Variants in GMDS observed in about 807,000 individuals in gnomAD.
GMDS encodes GDP-mannose 4,6 dehydratase.
GMDS carries 20 observed loss-of-function variants against 49.9 expected under a neutral mutation model. The observed-to-expected ratio is 0.40, with a 90% CI of 0.28 to 0.58. The LOEUF (loss-of-function observed/expected upper bound fraction) is 0.58. GMDS is among the 20% of genes least tolerant of loss of function. The probability of loss-of-function intolerance (pLI) is 0.42; values close to 1 mark genes in which losing one functional copy is unlikely to be tolerated. For missense variants in GMDS, 362 were observed against 481.4 expected (o/e 0.75, Z 2.32); for synonymous variants, 177 against 178.6 (o/e 0.99, Z 0.07).
intron 9 of GMDS, among the ~76,000 whole-genome samples, chr6:1,641,006 T>C (rs1763314215): frequency 6.6e-6 from 1 of 152,128 alleles, no homozygotes; most frequent in Admixed American, 6.5e-5. Flanking sequence ...ACAGGTGGCG[T>C]TGGCTCCACA....
intron 4 of GMDS, among the ~76,000 whole-genome samples, chr6:1,995,494 T>C (rs929865512): frequency 5.1e-5 from 7 of 136,450 alleles, no homozygotes; most frequent in African/African-American, 2.0e-4. Flanking sequence ...CTGTGTTGTC[T>C]CAGAGAGAAC....
intron 9 of GMDS, among the ~76,000 whole-genome samples, chr6:1,713,852 G>C (rs1190286186): frequency 6.6e-6 from 1 of 152,006 alleles, no homozygotes; most frequent in African/African-American, 2.4e-5. Flanking sequence ...TGGTAAGACA[G>C]GCATACTCAA....
intron 4 of GMDS, among the ~76,000 whole-genome samples, chr6:2,054,805 A>G (rs574551175): frequency 3.3e-4 from 50 of 152,196 alleles, no homozygotes; most frequent in Non-Finnish European, 6.3e-4. Context: ...CAGGAAAACA[A>G]AAACAAAACA....
intron 7 of GMDS, among the ~76,000 whole-genome samples, chr6:1,905,525 C>T (rs112673994): frequency 2.1e-5 from 3 of 140,776 alleles, no homozygotes; most frequent in African/African-American, 8.1e-5. Flanking sequence ...GCTGTGGGTG[C>T]TGGCGTGTAG....
At chr6:1,959,549 C>G (rs1197874124) in intron 6 of GMDS, among the ~76,000 whole-genome samples, 1 of 152,164 alleles carries the variant, frequency 6.6e-6, no homozygotes, top group Non-Finnish European at 1.5e-5. Flanking sequence ...TAGTTTACTA[C>G]TTATTCCTTT....
chr6:2,169,280 G>T (rs1203400589), intron 1 of GMDS, among the ~76,000 whole-genome samples: 1 of 152,140 alleles, frequency 6.6e-6, no homozygotes, highest in African/African-American at 2.4e-5. Flanking sequence ...ATTAAAACCA[G>T]TTGAAAAATC....
At chr6:1,915,580 T>A (rs766548468) in intron 7 of GMDS, among the ~76,000 whole-genome samples, 2 of 152,186 alleles carry the variant, frequency 1.3e-5, no homozygotes, top group African/African-American at 4.8e-5. Flanking sequence ...TGGTTTTAAG[T>A]TGAAATATGA....
At chr6:1,791,418 G>A (rs1038471832) in intron 7 of GMDS, among the ~76,000 whole-genome samples, 2 of 152,274 alleles carry the variant, frequency 1.3e-5, no homozygotes, top group East Asian at 1.9e-4. Context: ...GTTCTCAACC[G>A]TGGTGGGCTG....
intron 6 of GMDS, among the ~76,000 whole-genome samples, chr6:1,944,857 C>CT (rs979260465): frequency 1.3e-5 from 2 of 152,132 alleles, no homozygotes; most frequent in African/African-American, 4.8e-5. Flanking sequence ...ATCATGTCTC[C>CT]TTCCACAAGA....
Position 2,245,351 on chromosome 6 carries a change from G to A in GMDS, c.72C>T (p.Asn24=), listed in dbSNP as rs201439413. Residue 24 remains asparagine, a synonymous_variant, in exon 1 of 11, where the codon AAC becomes AAT. Transcript: ENST00000380815. ...SGDGEMGKPR[N]VALITGITGQ... ...CTGTGATACCGGTGATGAGCGCCAC[G>A]TTCCTGGGCTTGCCCATCTCGCCGT... 3.9e-6 allele frequency: 6 copies of A among 1,552,780 alleles called. No homozygotes were observed. In the East Asian group the frequency reaches 1.4e-4, roughly 37 times the overall value.
chr6:2,177,407 A>G lies in GMDS; in HGVS notation c.103-52676T>C, dbSNP rs1189884558. Among the ~76,000 whole-genome samples, 4 of 152,188 alleles carry G rather than the reference A, an allele frequency of 2.6e-5. No homozygotes were observed. In the East Asian group the frequency reaches 7.7e-4, roughly 29 times the overall value. On this transcript the variant is annotated intron_variant, in intron 1 of 10. Transcript: ENST00000380815. Reference sequence around the variant, plus strand: ...AAAAACAACGAAAAAATAAAACTTCAGGCCAATATCCCTGATAAACAGACA... The same window carrying G: ...AAAAACAACGAAAAAATAAAACTTCGGGCCAATATCCCTGATAAACAGACA...
chr6:1,846,378 C>A (rs1757413888), intron 7 of GMDS, among the ~76,000 whole-genome samples: 1 of 151,808 alleles, frequency 6.6e-6, no homozygotes, highest in Non-Finnish European at 1.5e-5. Flanking sequence ...CAGGTGTGAG[C>A]CACTGTGTCC....
intron 7 of GMDS, among the ~76,000 whole-genome samples, chr6:1,881,318 A>G (rs1008694566): frequency 6.6e-6 from 1 of 152,224 alleles, no homozygotes; most frequent in African/African-American, 2.4e-5. Context: ...AATATTTCAC[A>G]CTATATTTTA....
chr6:2,162,982 G>C (rs1389489896), intron 1 of GMDS, among the ~76,000 whole-genome samples: 1 of 152,130 alleles, frequency 6.6e-6, no homozygotes, highest in Non-Finnish European at 1.5e-5. Context: ...TAAAAAATTA[G>C]AGGAGCAACA....
At chr6:2,238,192 G>C (rs1486275) in intron 1 of GMDS, among the ~76,000 whole-genome samples, 3,587 of 149,554 alleles carry the variant, frequency 0.024, 165 homozygotes, top group African/African-American at 0.085. Context: ...TTCAAGACTA[G>C]CCTGGTCAGC....
At chr6:2,107,167 G>A (rs191833406) in intron 4 of GMDS, among the ~76,000 whole-genome samples, 1 of 152,294 alleles carries the variant, frequency 6.6e-6, no homozygotes, top group Admixed American at 6.5e-5. Context: ...ATTATTAGCT[G>A]TTATCAAAAT....
intron 4 of GMDS, among the ~76,000 whole-genome samples, chr6:1,972,402 T>C (rs1314684310): frequency 6.6e-6 from 1 of 152,092 alleles, no homozygotes; most frequent in African/African-American, 2.4e-5. Flanking sequence ...TCTGTCATGA[T>C]TTCTGTATAA....
chr6:2,093,570 C>T (rs1264741442), intron 4 of GMDS, among the ~76,000 whole-genome samples: 1 of 151,940 alleles, frequency 6.6e-6, no homozygotes, highest in Non-Finnish European at 1.5e-5. Flanking sequence ...AATTATAATG[C>T]TCAATATAAA....
Position 1,999,984 on chromosome 6 carries a change from TA to T in GMDS, c.346-39019del, listed in dbSNP as rs1209596809. ...TTATATATATATTATATATATATTTTATATATATATATTATATATATATATT... is the reference window on the plus strand; with the variant it reads ...TTATATATATATTATATATATATTTTTATATATATATTATATATATATATT... On this transcript the variant is annotated intron_variant, in intron 4 of 10. Coordinates refer to ENST00000380815, the MANE Select transcript of GMDS (RefSeq NM_001500.4). Among the ~76,000 whole-genome samples, 29 of 11,094 alleles carry T rather than the reference TA, an allele frequency of 2.6e-3. 2 individuals are homozygous for T. The highest frequency in any genetic ancestry group is 7.8e-3 in the African/African-American group (26 of 3,322). 7.3% of individuals were successfully genotyped at this position (11,094 alleles called of 152,430 possible).
Sources: allele counts gnomAD v4.1 joint callset (sites outside exome capture counted in the v4.1 genomes callset), GRCh38; gene constraint gnomAD v4.1.1; transcripts MANE v1.5; gene names NCBI Gene and HGNC (gene_info 2026-07-23, HGNC 2026-07-21).